Variants in TRPM3 observed in about 807,000 individuals in gnomAD.
The protein encoded by TRPM3 is long transient receptor potential channel 3.
A neutral mutation model predicts 181.2 loss-of-function variants in TRPM3; 77 were observed. The ratio of observed to expected loss-of-function variants is 0.42; its 90% CI spans 0.35 to 0.51. TRPM3 has a LOEUF of 0.51. Among genes scored for constraint, TRPM3 ranks in the 20% least tolerant of loss-of-function variants. The probability of loss-of-function intolerance (pLI) is 0.01; values close to 1 mark genes in which losing one functional copy is unlikely to be tolerated. For missense variants in TRPM3, 1,759 were observed against 2,196.7 expected (o/e 0.80, Z 3.98); for synonymous variants, 745 against 796.4 (o/e 0.94, Z 1.09).
Position 70,805,907 on chromosome 9 carries a change from T to G in TRPM3, c.974-21628A>C, listed in dbSNP as rs184153647. On this transcript the variant is annotated intron_variant, in intron 6 of 25. Transcript: ENST00000677713. ...AAATTCTAACATGCACCAGAGTCAG[T>G]GTGCACTTCCTCTGTTCTCCCTTTG... Among the ~76,000 whole-genome samples the G allele has an allele frequency of 2.9e-3, 442 of 152,340 alleles. 4 individuals are homozygous for G. The highest frequency in any genetic ancestry group is 0.01 in the African/African-American group (425 of 41,584).
chr9:71,405,946 C>T (rs973291711), intron 1 of TRPM3, among the ~76,000 whole-genome samples: 34 of 152,008 alleles, frequency 2.2e-4, no homozygotes, highest in African/African-American at 6.5e-4. Flanking sequence ...ATAAAGCTTT[C>T]CATCATTTAA....
At chr9:71,113,027 C>T (rs2071487504) in intron 1 of TRPM3, among the ~76,000 whole-genome samples, 1 of 152,156 alleles carries the variant, frequency 6.6e-6, no homozygotes, top group Non-Finnish European at 1.5e-5. Context: ...GGCCAGATCA[C>T]CTTGGGTCTT....
At chr9:71,404,884 C>T (rs934651102) in intron 1 of TRPM3, among the ~76,000 whole-genome samples, 2 of 152,170 alleles carry the variant, frequency 1.3e-5, no homozygotes, top group Non-Finnish European at 2.9e-5. Flanking sequence ...CTGTCTCATT[C>T]AACACCTAGA....
In TRPM3 at chr9:70,864,525, C is replaced by CAAAAAAAAAAAA. The variant is rs71367234; in HGVS notation, c.178-26_178-15dup. The CAAAAAAAAAAAA allele has an allele frequency of 1.7e-3, 1,491 of 898,846 alleles. 11 individuals carry two copies. Among genetic ancestry groups the CAAAAAAAAAAAA allele is most frequent in the African/African-American group, 0.011 (496 of 46,612 alleles). 55.7% of individuals were successfully genotyped at this position (898,846 alleles called of 1,614,324 possible). On this transcript the variant is annotated splice_polypyrimidine_tract_variant and intron_variant, in intron 1 of 25. Transcript: ENST00000677713. ...GGATTTCTGAGCCTGAAAAAGAAAA[C>CAAAAAAAAAAAA]AAAAAAAAAAAAAAAAGAAAAAAGA... is the stretch of plus-strand genomic sequence containing the variant.
rs370078827 is a variant in TRPM3 at position 71,200,619 on chromosome 9, G to A, written c.183+246034C>T. Among the ~76,000 whole-genome samples the A allele has an allele frequency of 5.4e-3, 820 of 152,150 alleles. 2 individuals are homozygous for A. Among genetic ancestry groups the A allele is most frequent in the Non-Finnish European group, 8.5e-3 (579 of 67,994 alleles). ...TTCTTGTTGAATTGATCCCTTTACC[G>A]TTATGTAATGGCCTTCTCTGTCTCT... On this transcript the variant is annotated intron_variant, in intron 1 of 24. Coordinates refer to the TRPM3 transcript ENST00000357533.
intron 1 of TRPM3, among the ~76,000 whole-genome samples, chr9:71,101,221 A>G (rs540162559): frequency 6.6e-6 from 1 of 152,264 alleles, no homozygotes; most frequent in Admixed American, 6.6e-5. Context: ...AACCATAAGT[A>G]TCTCTGCTCT....
At chr9:70,919,737 T>A (rs1356925858) in intron 1 of TRPM3, among the ~76,000 whole-genome samples, 1 of 148,628 alleles carries the variant, frequency 6.7e-6, no homozygotes, top group African/African-American at 2.5e-5. Flanking sequence ...TGAGCCAAGA[T>A]CACGCCATTG....
chr9:71,356,688 A>G (rs1238744703), intron 1 of TRPM3, among the ~76,000 whole-genome samples: 6 of 152,094 alleles, frequency 3.9e-5, no homozygotes, highest in African/African-American at 1.4e-4. Flanking sequence ...AATGCTAGCA[A>G]TTGTTATTGT....
At chr9:71,291,901 A>G (rs982452105) in intron 1 of TRPM3, among the ~76,000 whole-genome samples, 4 of 152,094 alleles carry the variant, frequency 2.6e-5, no homozygotes, top group Admixed American at 6.6e-5. Context: ...GACATTTAGG[A>G]AAATGATTGC....
intron 1 of TRPM3, among the ~76,000 whole-genome samples, chr9:71,007,455 A>G (rs2097692171): frequency 1.3e-5 from 2 of 152,166 alleles, no homozygotes; most frequent in Non-Finnish European, 2.9e-5. Context: ...CTCCAAAAAA[A>G]CTGTATGTAA....
chr9:71,049,072 G>A (rs2059779578), intron 1 of TRPM3, among the ~76,000 whole-genome samples: 2 of 152,066 alleles, frequency 1.3e-5, no homozygotes, highest in Non-Finnish European at 2.9e-5. Context: ...TATGACAAAT[G>A]ACTCCTCCCC....
chr9:71,161,062 C>T (rs1318659499), intron 1 of TRPM3, among the ~76,000 whole-genome samples: 3 of 152,158 alleles, frequency 2.0e-5, no homozygotes, highest in Non-Finnish European at 2.9e-5. Context: ...CCCCTTAAAG[C>T]TCAGGGAAAA....
chr9:70,804,340 C>A (rs996075607), intron 6 of TRPM3, among the ~76,000 whole-genome samples: 1 of 151,944 alleles, frequency 6.6e-6, no homozygotes, highest in Admixed American at 6.6e-5. Flanking sequence ...AGAAACAAAA[C>A]AAAACAAAAC....
chr9:70,643,139 G>C (rs1482607001), intron 9 of TRPM3, among the ~76,000 whole-genome samples: 1 of 152,066 alleles, frequency 6.6e-6, no homozygotes, highest in African/African-American at 2.4e-5. Context: ...GTAACAACAG[G>C]GACTGCACAC....
chr9:71,371,414 T>C (rs2092509104), intron 1 of TRPM3, among the ~76,000 whole-genome samples: 2 of 152,064 alleles, frequency 1.3e-5, no homozygotes, highest in Non-Finnish European at 2.9e-5. Context: ...TTGGAAGAAG[T>C]TGATTACAAC....
At chr9:71,323,565 AT>A (rs2089432052) in intron 1 of TRPM3, among the ~76,000 whole-genome samples, 1 of 152,064 alleles carries the variant, frequency 6.6e-6, no homozygotes, top group Non-Finnish European at 1.5e-5. Flanking sequence ...AGAAATGGAT[AT>A]TTCACCCCAA....
intron 1 of TRPM3, among the ~76,000 whole-genome samples, chr9:71,343,965 T>C (rs1217939390): frequency 6.6e-6 from 1 of 152,080 alleles, no homozygotes; most frequent in Non-Finnish European, 1.5e-5. Context: ...TCAAAATAAA[T>C]GATAACAATT....
At chr9:70,904,329 T>C (rs1414922923) in intron 1 of TRPM3, among the ~76,000 whole-genome samples, 1 of 152,066 alleles carries the variant, frequency 6.6e-6, no homozygotes, top group Admixed American at 6.5e-5. Flanking sequence ...ACTTGTCTGA[T>C]AAGAAAAAAA....
At chr9:71,144,295 A>G (rs1027425653) in intron 1 of TRPM3, among the ~76,000 whole-genome samples, 1 of 152,130 alleles carries the variant, frequency 6.6e-6, no homozygotes, top group African/African-American at 2.4e-5. Context: ...TGATCACCGT[A>G]ATTTACCCAA....
Sources: gnomAD v4.1 joint callset for allele counts (sites outside exome capture counted in the v4.1 genomes callset) on GRCh38, gnomAD v4.1.1 for gene constraint, MANE v1.5 for transcripts, NCBI Gene and HGNC (gene_info 2026-07-23, HGNC 2026-07-21) for gene names.